The following ZFHX3 variants were observed in gnomAD, a reference collection of about 807,000 sequenced individuals.
The protein encoded by ZFHX3 is zinc finger homeobox protein 3.
A neutral mutation model predicts 279.1 loss-of-function variants in ZFHX3; 42 were observed. The ratio of observed to expected loss-of-function variants is 0.15; its 90% CI spans 0.12 to 0.19. The LOEUF (loss-of-function observed/expected upper bound fraction) is 0.19. Ranked by LOEUF, ZFHX3 falls within the 10% of genes least tolerant of loss-of-function variation. The pLI, the probability that ZFHX3 is intolerant of heterozygous loss-of-function variation, is 1.00. For missense variants in ZFHX3, 4,981 were observed against 4,754.0 expected, an observed-to-expected ratio of 1.05 and a Z score of -1.40; for synonymous variants, 2,293 against 1,957.8, an observed-to-expected ratio of 1.17 and a Z score of -4.52.
chr16:72,942,241 T>C (rs1960444970), intron 3 of ZFHX3, among the ~76,000 whole-genome samples: 1 of 152,226 alleles, frequency 6.6e-6, no homozygotes, highest in Admixed American at 6.5e-5. Context: ...GCACCTGCCA[T>C]ATTGGCTTTC....
chr16:73,397,383 T>C (rs2143417370), intron 3 of ZFHX3, among the ~76,000 whole-genome samples: 1 of 151,450 alleles, frequency 6.6e-6, no homozygotes, highest in South Asian at 2.1e-4. Context: ...CTGGGTGAGG[T>C]TGAGAGGAGG....
chr16:73,301,920 G>A (rs895673845), intron 4 of ZFHX3, among the ~76,000 whole-genome samples: 5 of 152,064 alleles, frequency 3.3e-5, no homozygotes, highest in African/African-American at 1.2e-4. Flanking sequence ...CTGGACAAGG[G>A]CTGTGGGTGC....
intron 7 of ZFHX3, among the ~76,000 whole-genome samples, chr16:73,115,591 A>G (rs1382994250): frequency 6.6e-6 from 1 of 151,866 alleles, no homozygotes; most frequent in Non-Finnish European, 1.5e-5. Context: ...AGCATCTCCC[A>G]CCTTCTAGCA....
At chr16:73,841,660 GGA>G (rs1961312538) in intron 1 of ZFHX3, among the ~76,000 whole-genome samples, 1 of 152,082 alleles carries the variant, frequency 6.6e-6, no homozygotes, top group Non-Finnish European at 1.5e-5. Context: ...CACCCATCCG[GGA>G]GCTCTCTTGG....
intron 1 of ZFHX3, among the ~76,000 whole-genome samples, chr16:73,008,282 A>C (rs1028259625): frequency 6.6e-6 from 1 of 152,178 alleles, no homozygotes; most frequent in Non-Finnish European, 1.5e-5. Flanking sequence ...AATATTTCCT[A>C]ATGATCCTGT....
chr16:73,493,187 T>G lies in ZFHX3; in HGVS notation c.-1546-36929A>C, dbSNP rs946133555. Among the ~76,000 whole-genome samples the G allele has an allele frequency of 3.2e-4, 49 of 152,206 alleles. 1 individual carries two copies. Among genetic ancestry groups the G allele is most frequent in the Admixed American group, 3.0e-3 (46 of 15,272 alleles). ...CCTATTTTTTGCAGCTGGTCTCGTCTGCTTCCAACAGACTATGCATCACTT... is the reference window on the plus strand; with the variant it reads ...CCTATTTTTTGCAGCTGGTCTCGTCGGCTTCCAACAGACTATGCATCACTT... On this transcript the variant is annotated intron_variant, in intron 2 of 17. Transcript: ENST00000641206.
chr16:73,379,714 G>T (rs2016787771), intron 3 of ZFHX3, among the ~76,000 whole-genome samples: 1 of 152,180 alleles, frequency 6.6e-6, no homozygotes. Context: ...AAAAAATAAA[G>T]TCAGGCATGT....
intron 1 of ZFHX3, among the ~76,000 whole-genome samples, chr16:73,000,430 CT>C (rs1224286895): frequency 1.3e-5 from 2 of 152,220 alleles, no homozygotes; most frequent in South Asian, 4.1e-4. Flanking sequence ...CATTTTTTTC[CT>C]AACTCATTTC....
intron 5 of ZFHX3, among the ~76,000 whole-genome samples, chr16:73,190,301 G>C (rs59195934): frequency 0.26 from 39,278 of 151,996 alleles, 5,262 homozygotes; most frequent in Middle Eastern, 0.36. Flanking sequence ...CATTGGCTTC[G>C]CCCACCCCCA....
At chr16:73,196,282 C>G (rs4474718) in intron 5 of ZFHX3, among the ~76,000 whole-genome samples, 140,173 of 151,826 alleles carry the variant, frequency 0.92, 65,143 homozygotes, top group Middle Eastern at 0.98. Flanking sequence ...AGAGCTTCCT[C>G]CTTGGGGTGG....
In ZFHX3 at chr16:72,785,756, T is replaced by C. The variant is rs1462737995; in HGVS notation, c.*1408A>G. 6.6e-6 allele frequency: 1 copy of C among 150,672 alleles called. No individual in the cohort carries two copies. The highest frequency in any genetic ancestry group is 1.9e-4 in the East Asian group (1 of 5,158). 9.3% of individuals were successfully genotyped at this position (150,672 alleles called of 1,614,324 possible). A position where few individuals can be genotyped will look rare whatever the true frequency, so the allele number is the denominator to read the frequency against. ...ATTACACAAATGGAAACAAATCCTT[T>C]AGTATAGAAAAAAAAAGAATATTTG... On this transcript the variant is annotated 3_prime_UTR_variant, in exon 10 of 10. Coordinates refer to ENST00000268489, the MANE Select transcript of ZFHX3 (RefSeq NM_006885.4).
At chr16:73,866,169 A>ATTTTTTTTT (rs34324522) in intron 1 of ZFHX3, among the ~76,000 whole-genome samples, 1 of 74,626 alleles carries the variant, frequency 1.3e-5, no homozygotes, top group Non-Finnish European at 2.5e-5. Flanking sequence ...TGCCAGGCTA[A>ATTTTTTTTT]TTTTTTTTTT....
chr16:72,992,085 C>T (rs1206875048), intron 1 of ZFHX3, among the ~76,000 whole-genome samples: 4 of 152,194 alleles, frequency 2.6e-5, no homozygotes, highest in Non-Finnish European at 4.4e-5. Context: ...CAGAGGCTGT[C>T]GCCGAACTGA....
At chr16:73,311,010 A>T (rs2015311802) in intron 4 of ZFHX3, among the ~76,000 whole-genome samples, 1 of 152,092 alleles carries the variant, frequency 6.6e-6, no homozygotes, top group African/African-American at 2.4e-5. Context: ...AGGCAGGCGG[A>T]TCACCTGAGG....
At chr16:73,688,454 C>A (rs2053114406) in intron 1 of ZFHX3, among the ~76,000 whole-genome samples, 1 of 152,048 alleles carries the variant, frequency 6.6e-6, no homozygotes, top group Non-Finnish European at 1.5e-5. Context: ...GAGGGACACC[C>A]CCAGGAATGG....
intron 1 of ZFHX3, among the ~76,000 whole-genome samples, chr16:73,747,972 T>C (rs1463394721): frequency 2.0e-5 from 3 of 152,196 alleles, no homozygotes; most frequent in African/African-American, 4.8e-5. Context: ...TAAAGCTAAA[T>C]GGAACCTGTC....
At chr16:73,864,285 C>T (rs1489477733) in intron 1 of ZFHX3, among the ~76,000 whole-genome samples, 1 of 152,236 alleles carries the variant, frequency 6.6e-6, no homozygotes. Context: ...CGTTAATATA[C>T]TTGCCCTCAG....
At chr16:72,983,068 C>T (rs1962679801) in intron 1 of ZFHX3, among the ~76,000 whole-genome samples, 2 of 152,194 alleles carry the variant, frequency 1.3e-5, no homozygotes, top group South Asian at 4.2e-4. Flanking sequence ...CGGCTTCTTC[C>T]CCGTCAGGAA....
intron 2 of ZFHX3, among the ~76,000 whole-genome samples, chr16:73,527,453 T>C (rs1200480684): frequency 6.6e-6 from 1 of 152,172 alleles, no homozygotes; most frequent in East Asian, 1.9e-4. Context: ...TCTGAGAGCC[T>C]TGGGGACCTA....
Sources: gnomAD v4.1 joint callset for allele counts (sites outside exome capture counted in the v4.1 genomes callset) on GRCh38, gnomAD v4.1.1 for gene constraint, MANE v1.5 for transcripts, NCBI Gene and HGNC (gene_info 2026-07-23, HGNC 2026-07-21) for gene names.